Variants in AJAP1 observed in about 807,000 individuals in gnomAD.
The protein encoded by AJAP1 is adherens junctions associated protein 1.
AJAP1 carries 5 observed loss-of-function variants against 35.0 expected under a neutral mutation model. The ratio of observed to expected loss-of-function variants is 0.14; its 90% CI spans 0.07 to 0.30. The LOEUF (loss-of-function observed/expected upper bound fraction) is 0.30. Ranked by LOEUF, AJAP1 falls within the 10% of genes least tolerant of loss-of-function variation. AJAP1 has a pLI of 1.00. For synonymous variants in AJAP1, 284 were observed against 249.3 expected (o/e 1.14, Z -1.31); for missense variants, 586 against 571.0 (o/e 1.03, Z -0.27).
chr1:4,683,126 G>A (rs1203630751), intron 1 of AJAP1, among the ~76,000 whole-genome samples: 1 of 152,226 alleles, frequency 6.6e-6, no homozygotes, highest in Admixed American at 6.5e-5. Flanking sequence ...ACTCTTACCT[G>A]CTGTGTAATC....
intron 1 of AJAP1, among the ~76,000 whole-genome samples, chr1:4,706,816 A>G (rs1256937516): frequency 6.6e-6 from 1 of 152,224 alleles, no homozygotes; most frequent in Non-Finnish European, 1.5e-5. Context: ...ACCAAATCTT[A>G]TTAAACTGTT....
intron 2 of AJAP1, among the ~76,000 whole-genome samples, chr1:4,752,984 C>G (rs947697238): frequency 3.3e-5 from 5 of 152,228 alleles, no homozygotes; most frequent in Non-Finnish European, 5.9e-5. Context: ...TGCCTTTGTT[C>G]TGGACTGTCC....
intron 1 of AJAP1, among the ~76,000 whole-genome samples, chr1:4,658,915 A>G (rs1304162782): frequency 6.6e-6 from 1 of 152,172 alleles, no homozygotes; most frequent in Admixed American, 6.5e-5. Flanking sequence ...GCGTCTTTCT[A>G]GCGGGGGTCG....
chr1:4,680,762 C>T (rs1639464321), intron 1 of AJAP1, among the ~76,000 whole-genome samples: 1 of 152,118 alleles, frequency 6.6e-6, no homozygotes, highest in South Asian at 2.1e-4. Context: ...AATTTGTTTC[C>T]ATTCCAGTAA....
rs1640882241 is a variant in AJAP1 at position 4,734,936 on chromosome 1, C to T, written c.829+22237C>T. Among the ~76,000 whole-genome samples the T allele has an allele frequency of 6.6e-6, 1 of 152,210 alleles. No individual in the cohort carries two copies. On this transcript the variant is annotated intron_variant, in intron 2 of 5. Coordinates refer to ENST00000378191, the MANE Select transcript of AJAP1 (RefSeq NM_018836.4). The surrounding 1 kb of genome is among the most constrained non-coding windows in gnomAD (Gnocchi z 4.3). ...CGGCACAGATGGCAATGTTGTTTCT[C>T]GACTCCTCCGTCCATCGCCTGCAAG... is the stretch of plus-strand genomic sequence containing the variant.
intron 1 of AJAP1, among the ~76,000 whole-genome samples, chr1:4,668,789 G>C (rs1639191956): frequency 6.6e-6 from 1 of 152,324 alleles, no homozygotes; most frequent in Non-Finnish European, 1.5e-5. Context: ...CCACGGGGTG[G>C]AGCCTTCACT....
intron 1 of AJAP1, among the ~76,000 whole-genome samples, chr1:4,673,808 GTCCTC>G (rs1420677172): frequency 6.6e-6 from 1 of 152,008 alleles, no homozygotes; most frequent in Admixed American, 6.6e-5. Context: ...GACTCTTCTT[GTCCTC>G]TGATCAAGGC....
intron 2 of AJAP1, among the ~76,000 whole-genome samples, chr1:4,725,295 C>G (rs1640627070): frequency 6.6e-6 from 1 of 152,166 alleles, no homozygotes; most frequent in Non-Finnish European, 1.5e-5. Context: ...AGTGGGCACT[C>G]ACTTCCCGTG....
chr1:4,748,266 T>TG (rs1456606265), intron 2 of AJAP1, among the ~76,000 whole-genome samples: 3 of 152,162 alleles, frequency 2.0e-5, no homozygotes, highest in Non-Finnish European at 4.4e-5. Flanking sequence ...TTCTGCTGTG[T>TG]GGGGTGCATC....
chr1:4,693,290 C>T lies in AJAP1; in HGVS notation c.30-18610C>T, dbSNP rs900883637. ...GGAGAAGCAGCCCGTGGTCAGGGGA[C>T]GTCAGGGGCATGTGCTGATGGAGAG... On this transcript the variant is annotated intron_variant, in intron 1 of 5. Coordinates refer to ENST00000378191, the MANE Select transcript of AJAP1 (RefSeq NM_018836.4). This position sits in a 1 kb window ranked among gnomAD's most constrained non-coding sequence, Gnocchi z 4.4. 6.6e-5 allele frequency among the ~76,000 whole-genome samples: 10 copies of T among 150,908 alleles called. No homozygotes were observed. Among genetic ancestry groups the T allele is most frequent in the African/African-American group, 2.4e-4 (10 of 41,108 alleles).
At chr1:4,774,299 G>A in intron 4 of AJAP1, 128 bp from the exon 5 acceptor site, 1 of 818,278 alleles carries the variant, frequency 1.2e-6, no homozygotes, top group African/African-American at 1.7e-5. Context: ...TCCTGGCAAG[G>A]CCAGGAGTCC....
At chr1:4,738,315 T>C (rs558850050) in intron 2 of AJAP1, among the ~76,000 whole-genome samples, 1 of 152,288 alleles carries the variant, frequency 6.6e-6, no homozygotes, top group African/African-American at 2.4e-5. Flanking sequence ...TTGTCAACCA[T>C]GTTGAGCAGA....
chr1:4,689,389 G>A (rs533087455), intron 1 of AJAP1, among the ~76,000 whole-genome samples: 1 of 152,326 alleles, frequency 6.6e-6, no homozygotes, highest in African/African-American at 2.4e-5. Flanking sequence ...GGAGCCTCGC[G>A]CAGCCCACCC....
chr1:4,779,659 T>C (rs1172092071), intron 5 of AJAP1, among the ~76,000 whole-genome samples: 1 of 152,018 alleles, frequency 6.6e-6, no homozygotes, highest in Non-Finnish European at 1.5e-5. Flanking sequence ...CCTGAACACA[T>C]TCCAGAGCAA....
At chr1:4,676,041 G>A (rs761222448) in intron 1 of AJAP1, among the ~76,000 whole-genome samples, 2 of 152,192 alleles carry the variant, frequency 1.3e-5, no homozygotes, top group Non-Finnish European at 2.9e-5. Context: ...TGCAGGGACG[G>A]CCTCTCTCTA....
At position 4,692,907 on chromosome 1, in the gene AJAP1, C is replaced by T. The variant is rs540231208; in HGVS notation, c.30-18993C>T. On this transcript the variant is annotated intron_variant, in intron 1 of 5. Transcript: ENST00000378191. This position sits in a 1 kb window ranked among gnomAD's most constrained non-coding sequence, Gnocchi z 4.4. ...GTGCTGGAACTGGACAGGGAAGGGA[C>T]GAGGTGTGCCCCATTCTGGAACCCA... Among the ~76,000 whole-genome samples the T allele has an allele frequency of 3.3e-5, 5 of 152,342 alleles. No individual in the cohort carries two copies. Among genetic ancestry groups the T allele is most frequent in the South Asian group, 2.1e-4 (1 of 4,826 alleles).
chr1:4,743,500 G>T (rs978956770), intron 2 of AJAP1, among the ~76,000 whole-genome samples: 3 of 152,138 alleles, frequency 2.0e-5, no homozygotes, highest in Non-Finnish European at 2.9e-5. Flanking sequence ...CTGCATATTC[G>T]TTCATCCAGA....
chr1:4,754,502 G>C (rs1309372879), intron 2 of AJAP1, among the ~76,000 whole-genome samples: 2 of 152,148 alleles, frequency 1.3e-5, no homozygotes, highest in African/African-American at 4.8e-5. Flanking sequence ...CATCCTCCTT[G>C]ACAGTCCCAA....
chr1:4,787,110 A>C lies in AJAP1; in HGVS notation c.*4625A>C, dbSNP rs1642171142. ...CGTTCTGCATCACCATAATGAACCGATCAGTCATTCATCCTCTTATTCAAC... is the reference window on the plus strand; with the variant it reads ...CGTTCTGCATCACCATAATGAACCGCTCAGTCATTCATCCTCTTATTCAAC... On this transcript the variant is annotated 3_prime_UTR_variant, in exon 6 of 6. Coordinates refer to ENST00000378191, the MANE Select transcript of AJAP1 (RefSeq NM_018836.4). The C allele has an allele frequency of 6.6e-6, 1 of 152,638 alleles. No individual in the cohort carries two copies. Among genetic ancestry groups the C allele is most frequent in the Admixed American group, 6.5e-5 (1 of 15,300 alleles). The allele number at this position is 152,638 out of a possible 1,614,324, so 9.5% of individuals were successfully genotyped here.
Sources: allele counts gnomAD v4.1 joint callset (sites outside exome capture counted in the v4.1 genomes callset), GRCh38; gene constraint gnomAD v4.1.1; non-coding constraint Gnocchi (gnomAD v3.1); transcripts MANE v1.5; gene names NCBI Gene and HGNC (gene_info 2026-07-23, HGNC 2026-07-21).